LHFPL3: variants seen among roughly 807,000 people sequenced by gnomAD.
LHFPL3 encodes the protein LHFPL tetraspan subfamily member 3.
Under a neutral mutation model 19.3 loss-of-function variants are expected in LHFPL3, and 5 were observed. The observed-to-expected ratio is 0.26, with a 90% CI of 0.14 to 0.54. The LOEUF (loss-of-function observed/expected upper bound fraction) is 0.54, where lower values mean the gene tolerates loss of function less well. LHFPL3 is among the 20% of genes least tolerant of loss of function. The pLI, the probability that LHFPL3 is intolerant of heterozygous loss-of-function variation, is 0.94. For missense variants in LHFPL3, 249 were observed against 307.4 expected (o/e 0.81, Z 1.42); for synonymous variants, 133 against 126.2 (o/e 1.05, Z -0.36).
At chr7:104,541,917 G>A (rs1349285772) in intron 1 of LHFPL3, among the ~76,000 whole-genome samples, 1 of 152,044 alleles carries the variant, frequency 6.6e-6, no homozygotes, top group Admixed American at 6.6e-5. Flanking sequence ...GGTCATTAAA[G>A]GAGGAGGACC....
chr7:104,586,573 C>T (rs578133208), intron 1 of LHFPL3, among the ~76,000 whole-genome samples: 3 of 152,180 alleles, frequency 2.0e-5, no homozygotes, highest in African/African-American at 7.2e-5. Context: ...ACACAGGTCC[C>T]CTTTCTTAAA....
chr7:104,458,213 T>C lies in LHFPL3; in HGVS notation c.445+128989T>C, dbSNP rs1054234599. Among the ~76,000 whole-genome samples the C allele has an allele frequency of 1.6e-3, 250 of 152,152 alleles. 1 individual carries two copies. Among genetic ancestry groups the C allele is most frequent in the African/African-American group, 5.7e-3 (235 of 41,510 alleles). ...CCCATGCCTATGTCCTGAATGGTAA[T>C]GCCTAGGTTTTCTTCTAGGGTTTTT... On this transcript the variant is annotated intron_variant, in intron 1 of 2. Coordinates refer to ENST00000424859, the MANE Select transcript of LHFPL3 (RefSeq NM_199000.3).
intron 1 of LHFPL3, among the ~76,000 whole-genome samples, chr7:104,667,165 C>T (rs1053839243): frequency 1.9e-4 from 29 of 149,758 alleles, no homozygotes; most frequent in Non-Finnish European, 3.3e-4. Context: ...GTTTTTTTTT[C>T]TTTTTAATAA....
chr7:104,469,901 A>G, intron 1 of LHFPL3: 1 of 395,008 alleles, frequency 2.5e-6, no homozygotes, highest in South Asian at 1.9e-5. Context: ...ATTAATATCT[A>G]TATCTAACCT....
At chr7:104,695,208 G>A (rs1391248400) in intron 1 of LHFPL3, among the ~76,000 whole-genome samples, 1 of 152,002 alleles carries the variant, frequency 6.6e-6, no homozygotes, top group Admixed American at 6.5e-5. Context: ...TCAAACTCCT[G>A]GCCTCACTTC....
intron 1 of LHFPL3, among the ~76,000 whole-genome samples, chr7:104,674,344 G>T (rs1792546863): frequency 6.6e-6 from 1 of 151,638 alleles, no homozygotes; most frequent in Non-Finnish European, 1.5e-5. Context: ...AAGTGGGAAA[G>T]GGACTTCCTG....
At chr7:104,623,164 T>C (rs1791480261) in intron 1 of LHFPL3, 1 of 171,302 alleles carries the variant, frequency 5.8e-6, no homozygotes, top group African/African-American at 2.4e-5. Context: ...TTCTAGATAC[T>C]AATTTGATAT....
chr7:104,721,243 A>G (rs1231553036), intron 1 of LHFPL3, among the ~76,000 whole-genome samples: 1 of 152,206 alleles, frequency 6.6e-6, no homozygotes, highest in Non-Finnish European at 1.5e-5. Flanking sequence ...TTGCAGGGAC[A>G]TGGATGAAGC....
At chr7:104,543,240 C>T (rs908072500) in intron 1 of LHFPL3, among the ~76,000 whole-genome samples, 3 of 151,928 alleles carry the variant, frequency 2.0e-5, no homozygotes, top group East Asian at 3.9e-4. Flanking sequence ...GTTAGAATGG[C>T]GATCATTAAA....
At chr7:104,713,173 G>A (rs1287099818) in intron 1 of LHFPL3, among the ~76,000 whole-genome samples, 4 of 152,174 alleles carry the variant, frequency 2.6e-5, no homozygotes, top group Admixed American at 1.3e-4. Flanking sequence ...CCCCTACTCT[G>A]AGCAAATAGG....
At chr7:104,565,751 C>G (rs1790108961) in intron 1 of LHFPL3, among the ~76,000 whole-genome samples, 1 of 151,042 alleles carries the variant, frequency 6.6e-6, no homozygotes, top group Non-Finnish European at 1.5e-5. Context: ...ATCTATCTAT[C>G]TATCTATCTA....
chr7:104,708,556 A>G (rs147445856), intron 1 of LHFPL3, among the ~76,000 whole-genome samples: 116 of 152,274 alleles, frequency 7.6e-4, no homozygotes, highest in African/African-American at 2.6e-3. Flanking sequence ...GCATATTTCT[A>G]TGTTGGTACT....
intron 2 of LHFPL3, chr7:104,802,705 C>T (rs62485081): frequency 6.6e-6 from 1 of 152,004 alleles, no homozygotes; most frequent in Non-Finnish European, 1.5e-5. Flanking sequence ...TGGTATAGAA[C>T]CCAAGTAGAA....
At chr7:104,769,987 TTGC>T (rs1239097224) in intron 2 of LHFPL3, among the ~76,000 whole-genome samples, 6 of 152,264 alleles carry the variant, frequency 3.9e-5, no homozygotes, top group African/African-American at 1.4e-4. Context: ...ACCAAGACAA[TTGC>T]TTATAAGCAA....
chr7:104,381,140 A>G (rs1427017028), intron 1 of LHFPL3, among the ~76,000 whole-genome samples: 1 of 152,144 alleles, frequency 6.6e-6, no homozygotes, highest in Non-Finnish European at 1.5e-5. Context: ...CAAAATTAAA[A>G]CCCATGGTTC....
intron 1 of LHFPL3, among the ~76,000 whole-genome samples, chr7:104,430,412 A>G (rs1277399283): frequency 2.2e-4 from 6 of 27,600 alleles, no homozygotes; most frequent in South Asian, 1.3e-3. Context: ...ATACATATAT[A>G]TATATACATA....
Position 104,399,787 on chromosome 7 carries a change from C to T in LHFPL3, c.445+70563C>T, listed in dbSNP as rs1464148202. Among the ~76,000 whole-genome samples, 5 of 151,484 alleles carry T rather than the reference C, an allele frequency of 3.3e-5. No homozygotes were observed. Among genetic ancestry groups the T allele is most frequent in the Non-Finnish European group, 7.4e-5 (5 of 67,874 alleles). ...GCGCCCGGCCATATGTTCTTCTGTCCTTAAGGTAATTATGTTACCATGGAA... is the reference window on the plus strand; with the variant it reads ...GCGCCCGGCCATATGTTCTTCTGTCTTTAAGGTAATTATGTTACCATGGAA... On this transcript the variant is annotated intron_variant, in intron 1 of 2. Transcript: ENST00000424859. The surrounding 1 kb of genome is among the most constrained non-coding windows in gnomAD (Gnocchi z 4.4).
chr7:104,494,004 GACA>G (rs1299478864), intron 1 of LHFPL3, among the ~76,000 whole-genome samples: 2 of 152,054 alleles, frequency 1.3e-5, no homozygotes, highest in African/African-American at 4.8e-5. Flanking sequence ...ATTACATGCT[GACA>G]TGATAATATA....
intron 1 of LHFPL3, among the ~76,000 whole-genome samples, chr7:104,545,520 A>C (rs1794562007): frequency 6.6e-6 from 1 of 152,188 alleles, no homozygotes; most frequent in South Asian, 2.1e-4. Flanking sequence ...GGCAGTGTGA[A>C]GAAGGGCTCT....
Sources: gnomAD v4.1 joint callset for allele counts (sites outside exome capture counted in the v4.1 genomes callset) on GRCh38, gnomAD v4.1.1 for gene constraint, Gnocchi (gnomAD v3.1) non-coding constraint, MANE v1.5 for transcripts, NCBI Gene and HGNC (gene_info 2026-07-23, HGNC 2026-07-21) for gene names.